The following CCDC88C variants were observed in gnomAD, a reference collection of about 807,000 sequenced individuals.
The protein encoded by CCDC88C is protein Daple.
Under a neutral mutation model 198.8 loss-of-function variants are expected in CCDC88C, and 131 were observed. That is an observed-to-expected ratio of 0.66 (90% CI 0.57 to 0.76). CCDC88C has a LOEUF of 0.76. Ranked by LOEUF, CCDC88C falls within the 30% of genes least tolerant of loss-of-function variation. The probability of loss-of-function intolerance (pLI) is 0.00; values close to 1 mark genes in which losing one functional copy is unlikely to be tolerated. For missense variants in CCDC88C, 2,553 were observed against 2,631.6 expected, an observed-to-expected ratio of 0.97 and a Z score of 0.65; for synonymous variants, 1,166 against 1,114.7, an observed-to-expected ratio of 1.05 and a Z score of -0.92.
rs1894776731 is a variant in CCDC88C, at chr14:91,371,130, C to A, written c.271-11419G>T. Among the ~76,000 whole-genome samples the A allele has an allele frequency of 6.6e-6, 1 of 152,146 alleles. No homozygotes were observed. Among genetic ancestry groups the A allele is most frequent in the African/African-American group, 2.4e-5 (1 of 41,420 alleles). ...GCCCTTTCCTCTGTCCCTAAGTCCA[C>A]CCCTCCTGGCTAAAACGACAGCATC... On this transcript the variant is annotated intron_variant, in intron 3 of 29. Transcript: ENST00000389857. The surrounding 1 kb of genome is among the most constrained non-coding windows in gnomAD (Gnocchi z 4.2).
At chr14:91,287,734 G>A (rs1030478683) in intron 25 of CCDC88C, among the ~76,000 whole-genome samples, 7 of 149,316 alleles carry the variant, frequency 4.7e-5, no homozygotes, top group African/African-American at 1.7e-4. Flanking sequence ...CACACTCAGA[G>A]GGTAGCCTGT....
chr14:91,326,949 C>T (rs993633409), intron 10 of CCDC88C, among the ~76,000 whole-genome samples: 2 of 152,114 alleles, frequency 1.3e-5, no homozygotes, highest in African/African-American at 2.4e-5. Context: ...CTGAGGGGTG[C>T]GCTGGATCTA....
chr14:91,356,615 A>G (rs1057277329), intron 4 of CCDC88C, among the ~76,000 whole-genome samples: 44 of 152,148 alleles, frequency 2.9e-4, no homozygotes, highest in African/African-American at 9.4e-4. Flanking sequence ...ACAGCTTTGT[A>G]TATTTATGAA....
At chr14:91,366,511 G>GAAACAAAC (rs140008457) in intron 3 of CCDC88C, among the ~76,000 whole-genome samples, 1 of 151,784 alleles carries the variant, frequency 6.6e-6, no homozygotes, top group African/African-American at 2.4e-5. Flanking sequence ...AAAAAAACAA[G>GAAACAAAC]AAACAAACAA....
intron 3 of CCDC88C, among the ~76,000 whole-genome samples, chr14:91,369,774 T>G (rs1894702899): frequency 1.3e-5 from 2 of 152,152 alleles, no homozygotes; most frequent in South Asian, 4.1e-4. Context: ...TGCTGATAGA[T>G]TCAATCCATC....
At chr14:91,392,850 C>T (rs1172042320) in intron 3 of CCDC88C, among the ~76,000 whole-genome samples, 1 of 151,978 alleles carries the variant, frequency 6.6e-6, no homozygotes, top group African/African-American at 2.4e-5. Flanking sequence ...CCGGAGTCCC[C>T]GCCCTGAGTG....
At chr14:91,311,821 T>G (rs1049428368) in intron 15 of CCDC88C, among the ~76,000 whole-genome samples, 1 of 152,214 alleles carries the variant, frequency 6.6e-6, no homozygotes, top group Non-Finnish European at 1.5e-5. Context: ...GTTCACACTC[T>G]TTGACCCTGT....
rs1232219219 is a variant in CCDC88C at position 91,379,853 on chromosome 14, CAAG to C, written c.271-20145_271-20143del. On this transcript the variant is annotated intron_variant, in intron 3 of 29. Transcript: ENST00000389857. ...AAAACTCAAACGCTGTGTCTGCCCG[CAAG>C]AAGTTTAGTTACCGGAAAAAGGGTC... The C allele has an allele frequency of 1.1e-5, 8 of 702,994 alleles. No homozygotes were observed. In the Admixed American group the frequency reaches 1.6e-4, roughly 14 times the overall value. 43.5% of individuals were successfully genotyped at this position (702,994 alleles called of 1,614,324 possible).
At chr14:91,408,588 G>T in intron 3 of CCDC88C, 71 bp downstream of exon 3, 2 of 987,060 alleles carry the variant, frequency 2.0e-6, no homozygotes, top group Non-Finnish European at 3.2e-6. Flanking sequence ...CCGGCCTCCT[G>T]TGGGAAAACC....
intron 3 of CCDC88C, among the ~76,000 whole-genome samples, chr14:91,394,342 C>G (rs1885706778): frequency 6.6e-6 from 1 of 152,196 alleles, no homozygotes; most frequent in African/African-American, 2.4e-5. Flanking sequence ...CCGGTTTACC[C>G]CTGTTTACCC....
intron 1 of CCDC88C, 77 bp downstream of exon 1, chr14:91,417,554 G>C: frequency 1.4e-6 from 2 of 1,392,888 alleles, no homozygotes; most frequent in East Asian, 5.4e-5. Flanking sequence ...CGGCCGTGTC[G>C]GGTCTGCGGC....
chr14:91,344,922 G>C (rs536312927), intron 4 of CCDC88C, among the ~76,000 whole-genome samples: 1 of 150,454 alleles, frequency 6.6e-6, no homozygotes, highest in Non-Finnish European at 1.5e-5. Flanking sequence ...TCAGCCTCCC[G>C]AGTAGCTAGA....
intron 4 of CCDC88C, among the ~76,000 whole-genome samples, chr14:91,357,598 ACT>A (rs1567096291): frequency 6.6e-6 from 1 of 151,868 alleles, no homozygotes; most frequent in Non-Finnish European, 1.5e-5. Context: ...TTGCTCCTCC[ACT>A]GTCTCCAGGG....
intron 3 of CCDC88C, among the ~76,000 whole-genome samples, chr14:91,393,407 G>C (rs942607154): frequency 6.6e-6 from 1 of 152,172 alleles, no homozygotes; most frequent in African/African-American, 2.4e-5. Flanking sequence ...TCTACCTCCC[G>C]AAGGAAGAAA....
chr14:91,276,022 G>C (rs1005500879), intron 29 of CCDC88C, among the ~76,000 whole-genome samples: 3 of 151,472 alleles, frequency 2.0e-5, no homozygotes, highest in Admixed American at 6.6e-5. Flanking sequence ...GGGTTTCACC[G>C]TGTTAGCCAG....
At chr14:91,303,201 C>G (rs969813948) in intron 20 of CCDC88C, among the ~76,000 whole-genome samples, 1 of 151,788 alleles carries the variant, frequency 6.6e-6, no homozygotes, top group Non-Finnish European at 1.5e-5. Flanking sequence ...AGGGGCCCCA[C>G]CTCCACCCTC....
chr14:91,322,051 G>T (rs971029734), intron 12 of CCDC88C, among the ~76,000 whole-genome samples: 3 of 152,022 alleles, frequency 2.0e-5, no homozygotes, highest in African/African-American at 7.3e-5. Context: ...AAGTCATGGG[G>T]TTGTTTTGGG....
chr14:91,376,704 G>A (rs564871849), intron 3 of CCDC88C, among the ~76,000 whole-genome samples: 22 of 152,294 alleles, frequency 1.4e-4, no homozygotes, highest in African/African-American at 5.3e-4. Flanking sequence ...GGAGGCCCAG[G>A]GGTCCCCTGG....
rs981261571 is a variant in CCDC88C at position 91,401,235 on chromosome 14, TTTATATA to T, written c.270+7417_270+7423del. ...CTAATCCATAGTAAGAATATATATA[TTTATATA>T]TTATATATTATATAATATATACATT... On this transcript the variant is annotated intron_variant, in intron 3 of 29. Coordinates refer to ENST00000389857, the MANE Select transcript of CCDC88C (RefSeq NM_001080414.4). Among the ~76,000 whole-genome samples, 20 of 145,738 alleles carry T rather than the reference TTTATATA, an allele frequency of 1.4e-4. No homozygotes were observed. The East Asian group carries it at 2.3e-3, about 17-fold the overall frequency.
Sources: gnomAD v4.1 joint callset for allele counts (sites outside exome capture counted in the v4.1 genomes callset) on GRCh38, gnomAD v4.1.1 for gene constraint, Gnocchi (gnomAD v3.1) non-coding constraint, MANE v1.5 for transcripts, NCBI Gene and HGNC (gene_info 2026-07-23, HGNC 2026-07-21) for gene names.